Variants in CNBD2 observed in about 807,000 individuals in gnomAD.
CNBD2 encodes the protein cyclic nucleotide binding domain containing 2.
CNBD2 carries 64 observed loss-of-function variants against 63.7 expected under a neutral mutation model. The ratio of observed to expected loss-of-function variants is 1.00; its 90% CI spans 0.82 to 1.24. CNBD2 has a LOEUF of 1.24. Ranked by LOEUF, CNBD2 falls within the 50% of genes most tolerant of loss-of-function variation. CNBD2 has a pLI of 0.00. For synonymous variants in CNBD2, 229 were observed against 255.4 expected (o/e 0.90, Z 0.99); for missense variants, 691 against 713.5 (o/e 0.97, Z 0.36).
At chr20:36,002,384 G>A (rs934011038) in intron 8 of CNBD2, among the ~76,000 whole-genome samples, 15 of 152,218 alleles carry the variant, frequency 9.9e-5, no homozygotes, top group Admixed American at 5.9e-4. Context: ...GAGGGAAACC[G>A]TGGAAAGAGG....
intron 8 of CNBD2, among the ~76,000 whole-genome samples, chr20:35,997,434 G>A (rs2056840791): frequency 6.6e-6 from 1 of 152,220 alleles, no homozygotes; most frequent in Non-Finnish European, 1.5e-5. Context: ...GGTAGCTTTG[G>A]TGAGTACTCA....
intron 11 of CNBD2, among the ~76,000 whole-genome samples, chr20:36,028,262 A>G (rs1358707243): frequency 6.6e-6 from 1 of 152,110 alleles, no homozygotes; most frequent in East Asian, 1.9e-4. Context: ...GTGGGGGCAG[A>G]TGGAACATTC....
chr20:35,988,984 T>C (rs2056706256), intron 7 of CNBD2, among the ~76,000 whole-genome samples: 1 of 152,242 alleles, frequency 6.6e-6, no homozygotes, highest in South Asian at 2.1e-4. Flanking sequence ...TCTCTGTTGG[T>C]TGATAATGAA....
At chr20:35,984,568 G>A (rs2147243779) in intron 5 of CNBD2, 59 bp from the exon 6 acceptor site, 1 of 1,581,028 alleles carries the variant, frequency 6.3e-7, no homozygotes, top group Non-Finnish European at 8.6e-7. Context: ...ATGTGTGTAA[G>A]GCTGAGGACA....
Position 36,030,356 on chromosome 20 carries a change from G to C in CNBD2, c.1440-1G>C. On this transcript the variant is annotated splice_acceptor_variant, in intron 11 of 11. Coordinates refer to ENST00000373973, the MANE Select transcript of CNBD2 (RefSeq NM_001365709.1). LOFTEE classifies it high-confidence loss of function. ...CCTCGGCTTCTGTGCCTGCCCTTTAGTGATGAAGATATGTGCCAGAAGTTC... is the reference window on the plus strand; with the variant it reads ...CCTCGGCTTCTGTGCCTGCCCTTTACTGATGAAGATATGTGCCAGAAGTTC... The C allele has an allele frequency of 6.2e-7, 1 of 1,614,084 alleles. No homozygotes were observed. Among genetic ancestry groups the C allele is most frequent in the Non-Finnish European group, 8.5e-7 (1 of 1,179,974 alleles).
intron 10 of CNBD2, among the ~76,000 whole-genome samples, chr20:36,016,113 A>G (rs2057129266): frequency 6.6e-6 from 1 of 152,340 alleles, no homozygotes; most frequent in South Asian, 2.1e-4. Context: ...ACTCCTGTCT[A>G]ATCATGAGAC....
chr20:35,973,946 C>A (rs191678792), intron 2 of CNBD2: 12 of 152,278 alleles, frequency 7.9e-5, no homozygotes, highest in Non-Finnish European at 1.5e-4. Context: ...TGACTAGAGC[C>A]AGTCCCCACT....
intron 6 of CNBD2, 55 bp from the exon 7 acceptor site, chr20:35,987,340 G>A: frequency 6.2e-7 from 1 of 1,606,858 alleles, no homozygotes. Flanking sequence ...AGATTGCTAA[G>A]GTCTGGGCAC....
At chr20:35,987,605 A>T in intron 7 of CNBD2, 72 bp downstream of exon 7, 1 of 1,545,072 alleles carries the variant, frequency 6.5e-7, no homozygotes, top group South Asian at 1.2e-5. Context: ...CTGTGACCTG[A>T]TGGTCAGAGT....
At chr20:35,967,159 A>G (rs1283289069), upstream of CNBD2, among the ~76,000 whole-genome samples, 1 of 151,646 alleles carries the variant, frequency 6.6e-6, no homozygotes, top group Non-Finnish European at 1.5e-5. Flanking sequence ...GGCGGTAGAT[A>G]AGGCACCAAA....
intron 10 of CNBD2, among the ~76,000 whole-genome samples, chr20:36,022,195 CT>C (rs753206662): frequency 1.0e-3 from 59 of 56,306 alleles, no homozygotes; most frequent in East Asian, 5.6e-3. Context: ...TTTTTTTTTT[CT>C]TTTTTTTTTT....
At position 36,012,257 on chromosome 20, in the gene CNBD2, G is replaced by A. The variant is rs531184623; in HGVS notation, c.1269+1000G>A. Among the ~76,000 whole-genome samples, 12 of 151,810 alleles carry A rather than the reference G, an allele frequency of 7.9e-5. No homozygotes were observed. The South Asian group carries it at 2.5e-3, about 32-fold the overall frequency. On this transcript the variant is annotated intron_variant, in intron 10 of 11. Coordinates refer to ENST00000373973, the MANE Select transcript of CNBD2 (RefSeq NM_001365709.1). ...GGAGGTTGCAGTGAGCTGAGATAGT[G>A]ACGTTGCACTAAAGCCTGGGGGACA...
At chr20:36,014,335 C>CTTTT (rs1226486585) in intron 10 of CNBD2, among the ~76,000 whole-genome samples, 1 of 142,792 alleles carries the variant, frequency 7.0e-6, no homozygotes, top group African/African-American at 2.6e-5. Context: ...TTCTTTCTTT[C>CTTTT]TTTTTTTTTT....
intron 4 of CNBD2, among the ~76,000 whole-genome samples, 159 bp from the exon 5 acceptor site, chr20:35,983,823 C>T (rs2056628535): frequency 6.6e-6 from 1 of 152,208 alleles, no homozygotes; most frequent in Admixed American, 6.5e-5. Flanking sequence ...GTGAAAGGCT[C>T]CAGCTTGACT....
At chr20:36,026,981 A>G (rs927978261) in intron 11 of CNBD2, among the ~76,000 whole-genome samples, 1 of 152,214 alleles carries the variant, frequency 6.6e-6, no homozygotes, top group Non-Finnish European at 1.5e-5. Flanking sequence ...TGCTTAATAA[A>G]TGTTGACTAA....
chr20:35,975,803 G>A (rs1316058280), intron 2 of CNBD2, 146 bp from the exon 3 acceptor site: 13 of 617,642 alleles, frequency 2.1e-5, no homozygotes, highest in South Asian at 1.9e-4. Context: ...TCGAGCAGAG[G>A]CAGGCCTGAA....
chr20:35,958,242 C>G (rs1022847678), downstream of CNBD2, among the ~76,000 whole-genome samples: 1 of 151,956 alleles, frequency 6.6e-6, no homozygotes, highest in African/African-American at 2.4e-5. Context: ...ACCAGCCTGG[C>G]CAATATAGTG....
In CNBD2 at chr20:36,003,459, T is replaced by A. The variant is rs113088763; in HGVS notation, c.971-4838T>A. Among the ~76,000 whole-genome samples the A allele has an allele frequency of 1.4e-3, 209 of 152,338 alleles. 1 individual carries two copies. Among genetic ancestry groups the A allele is most frequent in the African/African-American group, 4.5e-3 (186 of 41,586 alleles). On this transcript the variant is annotated intron_variant, in intron 8 of 11. Transcript: ENST00000373973. ...TCAAGGCTTGCTTTTAAATTTGTTA[T>A]GTGGGGTCAGAACAGTGTTTAATCT...
chr20:35,984,581 A>G (rs774182598), intron 5 of CNBD2, 46 bp from the exon 6 acceptor site: 2 of 1,600,246 alleles, frequency 1.2e-6, no homozygotes, highest in Non-Finnish European at 1.7e-6. Flanking sequence ...TGAGGACAGG[A>G]AGTGGAGGTG....
Sources: allele counts gnomAD v4.1 joint callset (sites outside exome capture counted in the v4.1 genomes callset), GRCh38; gene constraint gnomAD v4.1.1; transcripts MANE v1.5; gene names NCBI Gene and HGNC (gene_info 2026-07-23, HGNC 2026-07-21).